CUX2: variants seen among roughly 807,000 people sequenced by gnomAD.
The protein encoded by CUX2 is cut like homeobox 2.
In CUX2, 40 loss-of-function variants were observed where a neutral mutation model predicts 144.8. The observed-to-expected ratio is 0.28, with a 90% CI of 0.21 to 0.36. The LOEUF is 0.36. Ranked by LOEUF, CUX2 falls within the 10% of genes least tolerant of loss-of-function variation. CUX2 has a pLI of 1.00. For missense variants in CUX2, 1,615 were observed against 1,994.0 expected (o/e 0.81, Z 3.62); for synonymous variants, 827 against 875.6 (o/e 0.94, Z 0.98).
intron 1 of CUX2, chr12:111,099,857 C>T (rs1205762334): frequency 2.8e-5 from 12 of 424,542 alleles, no homozygotes; most frequent in Admixed American, 4.9e-5. Flanking sequence ...GGCGAGGGAC[C>T]GTCTGGCTCA....
At chr12:111,136,633 G>C (rs1875905643) in intron 1 of CUX2, among the ~76,000 whole-genome samples, 1 of 152,198 alleles carries the variant, frequency 6.6e-6, no homozygotes. Context: ...TCATTTAATT[G>C]ATGTAGCGTC....
chr12:111,232,123 G>C (rs1298475560), intron 3 of CUX2, among the ~76,000 whole-genome samples: 1 of 151,950 alleles, frequency 6.6e-6, no homozygotes, highest in Admixed American at 6.6e-5. Flanking sequence ...CACTCAATCA[G>C]TGTCATACAG....
chr12:111,231,829 C>G (rs1882476613), intron 3 of CUX2, among the ~76,000 whole-genome samples: 1 of 151,998 alleles, frequency 6.6e-6, no homozygotes, highest in African/African-American at 2.4e-5. Context: ...CAGGAGGGGC[C>G]AGGTGCAGTG....
At chr12:111,177,742 A>G (rs1878941364) in intron 1 of CUX2, among the ~76,000 whole-genome samples, 1 of 152,262 alleles carries the variant, frequency 6.6e-6, no homozygotes, top group Middle Eastern at 3.4e-3. Context: ...CTAACTTTTC[A>G]TGGAATGGAA....
At chr12:111,240,406 A>G (rs1309245675) in intron 3 of CUX2, among the ~76,000 whole-genome samples, 3 of 152,222 alleles carry the variant, frequency 2.0e-5, no homozygotes, top group Admixed American at 6.5e-5. Context: ...ACCCCCTGAC[A>G]GCAGCTGCTT....
rs146201836 is a variant in CUX2, at chr12:111,070,429, C to T, written c.63+36189C>T. Among the ~76,000 whole-genome samples the T allele has an allele frequency of 8.7e-3, 1,087 of 125,272 alleles. 24 individuals carry two copies. Among genetic ancestry groups the T allele is most frequent in the African/African-American group, 0.04 (1,011 of 25,438 alleles). 82.2% of individuals were successfully genotyped at this position (125,272 alleles called of 152,430 possible). ...CCTTCCTTCCTTCCTTCCTTCCTTC[C>T]TTCCTTCCTTCCTTCCTTCCTTCCT... On this transcript the variant is annotated intron_variant, in intron 1 of 21. Coordinates refer to ENST00000261726, the MANE Select transcript of CUX2 (RefSeq NM_015267.4).
At chr12:111,122,936 G>A (rs1874781168) in intron 1 of CUX2, among the ~76,000 whole-genome samples, 1 of 152,184 alleles carries the variant, frequency 6.6e-6, no homozygotes, top group Admixed American at 6.5e-5. Flanking sequence ...TTATGCATCG[G>A]CTTTGATATT....
intron 3 of CUX2, among the ~76,000 whole-genome samples, chr12:111,239,156 T>C (rs1882901417): frequency 6.6e-6 from 1 of 152,206 alleles, no homozygotes; most frequent in Admixed American, 6.5e-5. Flanking sequence ...ACGCCTCTCC[T>C]TATTCTAGTC....
chr12:111,218,471 G>A (rs899291544), intron 3 of CUX2, among the ~76,000 whole-genome samples: 13 of 152,212 alleles, frequency 8.5e-5, no homozygotes, highest in South Asian at 2.1e-4. Flanking sequence ...ATTCATGATC[G>A]CACCACTGCA....
At chr12:111,147,778 C>T (rs1805970170) in intron 1 of CUX2, among the ~76,000 whole-genome samples, 1 of 152,158 alleles carries the variant, frequency 6.6e-6, no homozygotes, top group South Asian at 2.1e-4. Flanking sequence ...GATGCCACAG[C>T]AAAGGTAGCA....
intron 3 of CUX2, among the ~76,000 whole-genome samples, chr12:111,240,848 G>A (rs775627853): frequency 2.0e-5 from 3 of 152,158 alleles, no homozygotes; most frequent in Non-Finnish European, 4.4e-5. Context: ...TCAGCAAACA[G>A]AAATGTTAGG....
intron 1 of CUX2, among the ~76,000 whole-genome samples, chr12:111,162,165 C>A (rs1433189066): frequency 3.9e-5 from 6 of 152,354 alleles, no homozygotes; most frequent in Middle Eastern, 3.4e-3. Context: ...GCGGCATTGC[C>A]GGGCCTGGTG....
At chr12:111,130,885 T>C (rs1438370421) in intron 1 of CUX2, among the ~76,000 whole-genome samples, 3 of 152,254 alleles carry the variant, frequency 2.0e-5, no homozygotes, top group Non-Finnish European at 4.4e-5. Context: ...GAATCTCTGC[T>C]TAGTATGCCT....
chr12:111,314,587 C>T (rs370178301), intron 16 of CUX2, among the ~76,000 whole-genome samples: 5 of 137,146 alleles, frequency 3.6e-5, no homozygotes, highest in East Asian at 4.4e-4. Flanking sequence ...TTGCAGTAAG[C>T]GGAGATCACA....
intron 1 of CUX2, among the ~76,000 whole-genome samples, chr12:111,182,012 TA>T (rs1266069270): frequency 8.5e-5 from 13 of 152,102 alleles, no homozygotes; most frequent in African/African-American, 3.1e-4. Flanking sequence ...CGGGTGCACC[TA>T]ATCTGGGAGG....
Position 111,304,372 on chromosome 12 carries a change from T to A in CUX2, c.858+58T>A. On this transcript the variant is annotated intron_variant, in intron 10 of 21. Transcript: ENST00000261726. This position sits in a 1 kb window ranked among gnomAD's most constrained non-coding sequence, Gnocchi z 4.7. Reference sequence around the variant, plus strand: ...GGCAGAGGGAAAGATCGGGAATGGCTGAGTTTGCAGGTTTCAGCATGTGGG... The same window carrying A: ...GGCAGAGGGAAAGATCGGGAATGGCAGAGTTTGCAGGTTTCAGCATGTGGG... 7.0e-7 allele frequency: 1 copy of A among 1,432,766 alleles called. No homozygotes were observed. 88.8% of individuals were successfully genotyped at this position (1,432,766 alleles called of 1,614,324 possible).
At chr12:111,237,470 C>T (rs867945388) in intron 3 of CUX2, among the ~76,000 whole-genome samples, 5 of 152,352 alleles carry the variant, frequency 3.3e-5, no homozygotes, top group Middle Eastern at 3.4e-3. Flanking sequence ...CCCACCTTGC[C>T]TTCACAACCG....
At position 111,068,009 on chromosome 12, in the gene CUX2, G is replaced by A. The variant is rs1228566219; in HGVS notation, c.63+33769G>A. ...CAGCCCATCACGACCCCTCTAGCAA[G>A]AGTTACCTGCCCTCCCCACCGATCA... On this transcript the variant is annotated intron_variant, in intron 1 of 21. Coordinates refer to ENST00000261726, the MANE Select transcript of CUX2 (RefSeq NM_015267.4). The surrounding 1 kb of genome is among the most constrained non-coding windows in gnomAD (Gnocchi z 4.9). Among the ~76,000 whole-genome samples, 1 of 152,086 alleles carries A rather than the reference G, an allele frequency of 6.6e-6. No homozygotes were observed. Among genetic ancestry groups the A allele is most frequent in the Non-Finnish European group, 1.5e-5 (1 of 68,014 alleles).
intron 21 of CUX2, among the ~76,000 whole-genome samples, chr12:111,342,298 G>A (rs954382156): frequency 2.0e-5 from 3 of 151,790 alleles, no homozygotes; most frequent in Admixed American, 6.6e-5. Context: ...GGCAACATAG[G>A]GAGACCTCGT....
Sources: allele counts gnomAD v4.1 joint callset (sites outside exome capture counted in the v4.1 genomes callset), GRCh38; gene constraint gnomAD v4.1.1; non-coding constraint Gnocchi (gnomAD v3.1); transcripts MANE v1.5; gene names NCBI Gene and HGNC (gene_info 2026-07-23, HGNC 2026-07-21).